ROBO1: variants seen among roughly 807,000 people sequenced by gnomAD.
ROBO1 encodes roundabout homolog 1.
Under a neutral mutation model 195.9 loss-of-function variants are expected in ROBO1, and 149 were observed. The ratio of observed to expected loss-of-function variants is 0.76; its 90% CI spans 0.67 to 0.87. ROBO1 has a LOEUF of 0.87. Ranked by LOEUF, ROBO1 falls within the 40% of genes least tolerant of loss-of-function variation. The probability of loss-of-function intolerance (pLI) is 0.00; values close to 1 mark genes in which losing one functional copy is unlikely to be tolerated. For synonymous variants in ROBO1, 816 were observed against 733.2 expected (o/e 1.11, Z -1.82); for missense variants, 1,933 against 2,068.3 (o/e 0.93, Z 1.27).
intron 4 of ROBO1, among the ~76,000 whole-genome samples, chr3:78,900,717 T>C (rs1199035859): frequency 1.3e-5 from 2 of 152,076 alleles, no homozygotes; most frequent in Non-Finnish European, 2.9e-5. Flanking sequence ...TGAAAATATT[T>C]CCAAATTTAT....
At chr3:79,648,454 C>T (rs1945900113) in intron 1 of ROBO1, among the ~76,000 whole-genome samples, 1 of 152,050 alleles carries the variant, frequency 6.6e-6, no homozygotes, top group African/African-American at 2.4e-5. Context: ...ACTATAAAAA[C>T]ACACCATGAG....
chr3:79,630,447 C>A (rs998185592), intron 1 of ROBO1, among the ~76,000 whole-genome samples: 1 of 151,974 alleles, frequency 6.6e-6, no homozygotes, highest in African/African-American at 2.4e-5. Context: ...AACACCCTCT[C>A]ATGTTAAAAA....
At chr3:79,755,398 T>A (rs1704332834) in intron 1 of ROBO1, among the ~76,000 whole-genome samples, 1 of 152,016 alleles carries the variant, frequency 6.6e-6, no homozygotes, top group Non-Finnish European at 1.5e-5. Context: ...GTTAGCCCAA[T>A]GGGTTACTCT....
At chr3:79,010,196 T>C (rs1416948851) in intron 3 of ROBO1, among the ~76,000 whole-genome samples, 1 of 152,178 alleles carries the variant, frequency 6.6e-6, no homozygotes, top group East Asian at 1.9e-4. Context: ...TCTAAACATA[T>C]TTTACACTGT....
At chr3:79,079,407 G>T (rs1433633925) in intron 3 of ROBO1, among the ~76,000 whole-genome samples, 1 of 151,690 alleles carries the variant, frequency 6.6e-6, no homozygotes, top group Non-Finnish European at 1.5e-5. Flanking sequence ...AATGATAATT[G>T]CAAACTCTAT....
At chr3:79,566,235 A>G (rs1440500314) in intron 2 of ROBO1, among the ~76,000 whole-genome samples, 1 of 152,174 alleles carries the variant, frequency 6.6e-6, no homozygotes, top group Non-Finnish European at 1.5e-5. Context: ...TTTAATTTAC[A>G]TCATATTGTT....
chr3:79,445,256 T>C (rs931254710), intron 2 of ROBO1, among the ~76,000 whole-genome samples: 1 of 151,822 alleles, frequency 6.6e-6, no homozygotes, highest in Non-Finnish European at 1.5e-5. Context: ...ATGCATATAT[T>C]ACTGAATATA....
chr3:79,592,583 T>C (rs961197143), intron 1 of ROBO1, among the ~76,000 whole-genome samples: 7 of 151,930 alleles, frequency 4.6e-5, no homozygotes, highest in African/African-American at 1.7e-4. Context: ...TAGAGAAAAA[T>C]TGAGTGGAAG....
chr3:79,195,575 G>A, intron 2 of ROBO1, among the ~76,000 whole-genome samples: 1 of 151,432 alleles, frequency 6.6e-6, no homozygotes, highest in East Asian at 1.9e-4. Context: ...TTATAAAAAA[G>A]AAGGACTTGT....
chr3:79,762,480 A>G (rs1704748662), intron 1 of ROBO1, among the ~76,000 whole-genome samples: 1 of 152,202 alleles, frequency 6.6e-6, no homozygotes, highest in East Asian at 1.9e-4. Context: ...ATGATCAGAA[A>G]GGGAGGAATA....
intron 10 of ROBO1, among the ~76,000 whole-genome samples, chr3:78,678,372 T>C (rs1708570116): frequency 1.3e-5 from 2 of 151,922 alleles, no homozygotes; most frequent in Admixed American, 6.6e-5. Context: ...TTCAAAAAAT[T>C]AATGAAACCA....
intron 3 of ROBO1, among the ~76,000 whole-genome samples, chr3:79,124,295 C>A (rs1267335935): frequency 6.6e-6 from 1 of 151,910 alleles, no homozygotes; most frequent in African/African-American, 2.4e-5. Flanking sequence ...TTTATAAGAG[C>A]AAAACAAATA....
rs560151199 is a variant in ROBO1, at chr3:78,651,623, T to A, written c.2812+109A>T. 205 of 838,842 alleles carry A rather than the reference T, an allele frequency of 2.4e-4. 1 individual carries two copies. The East Asian group carries it at 2.6e-3, about 11-fold the overall frequency. The allele number at this position is 838,842 out of a possible 1,614,324, so 52.0% of individuals were successfully genotyped here. A position where few individuals can be genotyped will look rare whatever the true frequency, so the allele number is the denominator to read the frequency against. On this transcript the variant is annotated intron_variant, in intron 19 of 30. Transcript: ENST00000464233. ...ACGCACTTTTGAAAATCTTTATATA[T>A]TAAAACAAGTTTTAGAGGATATGCA...
intron 2 of ROBO1, among the ~76,000 whole-genome samples, chr3:79,497,387 T>C (rs1040770405): frequency 6.6e-6 from 1 of 152,194 alleles, no homozygotes; most frequent in Non-Finnish European, 1.5e-5. Flanking sequence ...ACATATGAAA[T>C]TATTTGATTT....
intron 1 of ROBO1, among the ~76,000 whole-genome samples, chr3:79,710,289 G>T (rs967324476): frequency 2.0e-5 from 3 of 151,938 alleles, no homozygotes; most frequent in Non-Finnish European, 4.4e-5. Context: ...ATTAAAAAAA[G>T]AAACCCACAC....
intron 5 of ROBO1, among the ~76,000 whole-genome samples, chr3:78,737,241 C>G (rs1011934027): frequency 6.6e-6 from 1 of 152,132 alleles, no homozygotes. Context: ...GATAGAAGTA[C>G]AGGCAGAGGA....
chr3:79,298,053 A>C (rs1265016657), intron 2 of ROBO1, among the ~76,000 whole-genome samples: 1 of 152,160 alleles, frequency 6.6e-6, no homozygotes, highest in East Asian at 1.9e-4. Context: ...GAATTAGTGA[A>C]ATAGAGAAAT....
intron 4 of ROBO1, among the ~76,000 whole-genome samples, chr3:78,864,073 C>T (rs1194059594): frequency 6.6e-6 from 1 of 152,196 alleles, no homozygotes; most frequent in African/African-American, 2.4e-5. Context: ...TTCACAATTA[C>T]ATTTACTCCT....
intron 4 of ROBO1, among the ~76,000 whole-genome samples, chr3:78,901,945 A>C (rs1354473398): frequency 1.3e-5 from 2 of 152,180 alleles, no homozygotes; most frequent in African/African-American, 4.8e-5. Context: ...CCAGGAAATT[A>C]CGTTTATTTC....
Sources: allele counts gnomAD v4.1 joint callset (sites outside exome capture counted in the v4.1 genomes callset), GRCh38; gene constraint gnomAD v4.1.1; transcripts MANE v1.5; gene names NCBI Gene and HGNC (gene_info 2026-07-23, HGNC 2026-07-21).